B3GAT2: variants seen among roughly 807,000 people sequenced by gnomAD.
B3GAT2 encodes galactosylgalactosylxylosylprotein 3-beta-glucuronosyltransferase 2.
Under a neutral mutation model 27.8 loss-of-function variants are expected in B3GAT2, and 26 were observed. The ratio of observed to expected loss-of-function variants is 0.93; its 90% CI spans 0.68 to 1.30. The LOEUF (loss-of-function observed/expected upper bound fraction) is 1.30, where lower values mean the gene tolerates loss of function less well. Ranked by LOEUF, B3GAT2 falls within the 50% of genes most tolerant of loss-of-function variation. The probability of loss-of-function intolerance (pLI) is 0.00; values close to 1 mark genes in which losing one functional copy is unlikely to be tolerated. For missense variants in B3GAT2, 458 were observed against 459.0 expected (o/e 1.00, Z 0.02); for synonymous variants, 218 against 195.1 (o/e 1.12, Z -0.98).
At chr6:70,920,235 T>A (rs1772845014) in intron 1 of B3GAT2, among the ~76,000 whole-genome samples, 1 of 152,186 alleles carries the variant, frequency 6.6e-6, no homozygotes, top group Non-Finnish European at 1.5e-5. Context: ...CGAGCAGGCA[T>A]GGGAGGGAAT....
chr6:70,861,578 C>A lies in B3GAT2; in HGVS notation c.*85G>T. 8.0e-7 allele frequency: 1 copy of A among 1,249,268 alleles called. No homozygotes were observed. Among genetic ancestry groups the A allele is most frequent in the South Asian group, 1.3e-5 (1 of 74,208 alleles). The allele number at this position is 1,249,268 out of a possible 1,614,324, so 77.4% of individuals were successfully genotyped here. On this transcript the variant is annotated 3_prime_UTR_variant, in exon 4 of 4. Transcript: ENST00000230053. ...TGTACTGAAGTAAAACAAACAATACCTGAATGCTCTGTAGCCTAAACTCCA... is the reference window on the plus strand; with the variant it reads ...TGTACTGAAGTAAAACAAACAATACATGAATGCTCTGTAGCCTAAACTCCA...
intron 1 of B3GAT2, among the ~76,000 whole-genome samples, chr6:70,933,858 T>C (rs75919472): frequency 2.0e-5 from 3 of 152,130 alleles, no homozygotes; most frequent in African/African-American, 7.2e-5. Context: ...GACGTACAAA[T>C]AGAGAGTGAA....
chr6:70,950,172 T>G (rs1417347941), intron 1 of B3GAT2, among the ~76,000 whole-genome samples: 1 of 151,722 alleles, frequency 6.6e-6, no homozygotes, highest in Non-Finnish European at 1.5e-5. Context: ...ACCTGCACAT[T>G]GTGCACATGT....
chr6:70,874,260 A>G (rs1461514056), intron 2 of B3GAT2, among the ~76,000 whole-genome samples: 2 of 152,170 alleles, frequency 1.3e-5, no homozygotes, highest in Non-Finnish European at 2.9e-5. Context: ...CTAACTTTGT[A>G]AAGTCTGTGT....
rs1176591345 is a variant in B3GAT2 at position 70,938,149 on chromosome 6, C to A, written c.591+17690G>T. On this transcript the variant is annotated intron_variant, in intron 1 of 3. Coordinates refer to ENST00000230053, the MANE Select transcript of B3GAT2 (RefSeq NM_080742.3). ...GCCAAATCATGAGTGAACTCCCATG[C>A]ACAATTGCTTCAAAGATAATAAAAT... is the stretch of plus-strand genomic sequence containing the variant. Among the ~76,000 whole-genome samples, 33 of 150,490 alleles carry A rather than the reference C, an allele frequency of 2.2e-4. No homozygotes were observed. The East Asian group carries it at 5.3e-3, about 24-fold the overall frequency.
At chr6:70,924,146 C>A (rs976848862) in intron 1 of B3GAT2, among the ~76,000 whole-genome samples, 1 of 151,960 alleles carries the variant, frequency 6.6e-6, no homozygotes, top group Non-Finnish European at 1.5e-5. Flanking sequence ...TAAAACACTT[C>A]CCCCAAAATT....
intron 1 of B3GAT2, among the ~76,000 whole-genome samples, chr6:70,943,565 A>G (rs1384860043): frequency 6.6e-6 from 1 of 152,214 alleles, no homozygotes; most frequent in African/African-American, 2.4e-5. Context: ...CCTAGGAGAC[A>G]GAGTTGTTGA....
intron 1 of B3GAT2, among the ~76,000 whole-genome samples, chr6:70,928,541 G>A (rs1773004010): frequency 6.6e-6 from 1 of 152,146 alleles, no homozygotes; most frequent in Non-Finnish European, 1.5e-5. Flanking sequence ...ACTACCATCA[G>A]AGAATACTAT....
chr6:70,898,388 T>TC (rs923791262), intron 1 of B3GAT2, among the ~76,000 whole-genome samples: 1 of 151,808 alleles, frequency 6.6e-6, no homozygotes, highest in Non-Finnish European at 1.5e-5. Context: ...AAAAATATAG[T>TC]CCCCCCCACC....
intron 2 of B3GAT2, among the ~76,000 whole-genome samples, chr6:70,867,303 A>C (rs569865013): frequency 6.6e-6 from 1 of 152,234 alleles, no homozygotes; most frequent in East Asian, 1.9e-4. Flanking sequence ...TAAATGGAGA[A>C]AACGACTATA....
At chr6:70,939,195 A>G (rs1393822145) in intron 1 of B3GAT2, among the ~76,000 whole-genome samples, 1 of 149,566 alleles carries the variant, frequency 6.7e-6, no homozygotes, top group African/African-American at 2.5e-5. Flanking sequence ...AACCACAATG[A>G]GATACCATCT....
chr6:70,935,474 G>GTATATATATATATATATATATATA (rs754633194), intron 1 of B3GAT2, among the ~76,000 whole-genome samples: 23 of 151,114 alleles, frequency 1.5e-4, no homozygotes, highest in African/African-American at 3.6e-4. Flanking sequence ...ATATATATGT[G>GTATATATATATATATATATATATA]TATATATATA....
rs1192174961 is a variant in B3GAT2, at chr6:70,857,111, T to C, written c.*4552A>G. 7.5e-7 allele frequency: 1 copy of C among 1,331,358 alleles called. No homozygotes were observed. The highest frequency in any genetic ancestry group is 2.4e-5 in the Admixed American group (1 of 42,366). The allele number at this position is 1,331,358 out of a possible 1,614,324, so 82.5% of individuals were successfully genotyped here. A position where few individuals can be genotyped will look rare whatever the true frequency, so the allele number is the denominator to read the frequency against. On this transcript the variant is annotated 3_prime_UTR_variant, in exon 4 of 4. Transcript: ENST00000230053. Reference sequence around the variant, plus strand: ...ATTATATAATAAGATCAATTATATATCTTTTATTGTTCCATGTAGTGAGTG... The same window carrying C: ...ATTATATAATAAGATCAATTATATACCTTTTATTGTTCCATGTAGTGAGTG...
intron 1 of B3GAT2, among the ~76,000 whole-genome samples, chr6:70,926,153 A>G (rs1772953213): frequency 6.6e-6 from 1 of 152,142 alleles, no homozygotes; most frequent in South Asian, 2.1e-4. Flanking sequence ...GGACATCCAC[A>G]CCAAAACCCC....
intron 1 of B3GAT2, 63 bp from the exon 2 acceptor site, chr6:70,894,335 G>C: frequency 2.1e-6 from 3 of 1,463,168 alleles, no homozygotes; most frequent in Non-Finnish European, 2.8e-6. Context: ...GGAAATGAAT[G>C]TGATCTATGT....
intron 1 of B3GAT2, among the ~76,000 whole-genome samples, chr6:70,918,807 T>A (rs926128351): frequency 4.6e-5 from 7 of 152,200 alleles, no homozygotes; most frequent in African/African-American, 1.7e-4. Flanking sequence ...ACCCGACCTT[T>A]CTCTCTGGCT....
chr6:70,944,437 G>A (rs200709944), intron 1 of B3GAT2, among the ~76,000 whole-genome samples: 1 of 37,436 alleles, frequency 2.7e-5, no homozygotes, highest in Admixed American at 2.9e-4. Context: ...CACACATGGC[G>A]CCCACGGAGT....
rs182726015 is a variant in B3GAT2 at position 70,860,107 on chromosome 6, C to T, written c.*1556G>A. The T allele has an allele frequency of 1.1e-4, 149 of 1,411,448 alleles. No individual in the cohort carries two copies. Among genetic ancestry groups the T allele is most frequent in the Non-Finnish European group, 1.4e-4 (146 of 1,054,588 alleles). 87.4% of individuals were successfully genotyped at this position (1,411,448 alleles called of 1,614,324 possible). A position where few individuals can be genotyped will look rare whatever the true frequency, so the allele number is the denominator to read the frequency against. Reference sequence around the variant, plus strand: ...ATTCCAGTGCTTGGACTAGTTGTCACATTAATGAAAAAATGACCAACTGTG... The same window carrying T: ...ATTCCAGTGCTTGGACTAGTTGTCATATTAATGAAAAAATGACCAACTGTG... On this transcript the variant is annotated 3_prime_UTR_variant, in exon 4 of 4. Coordinates refer to ENST00000230053, the MANE Select transcript of B3GAT2 (RefSeq NM_080742.3).
At position 70,894,291 on chromosome 6, in the gene B3GAT2, CAT is replaced by C; in HGVS notation, c.592-21_592-20del. On this transcript the variant is annotated intron_variant, in intron 1 of 3. Transcript: ENST00000230053. ...TTCGCATCTATAAAAAGGGAAAAGA[CAT>C]GTGTTTTAAGTTTCCTTAGGAAAAA... 1 of 1,555,856 alleles carries C rather than the reference CAT, an allele frequency of 6.4e-7. No homozygotes were observed. The highest frequency in any genetic ancestry group is 8.7e-7 in the Non-Finnish European group (1 of 1,149,236).
Sources: allele counts gnomAD v4.1 joint callset (sites outside exome capture counted in the v4.1 genomes callset), GRCh38; gene constraint gnomAD v4.1.1; transcripts MANE v1.5; gene names NCBI Gene and HGNC (gene_info 2026-07-23, HGNC 2026-07-21).